Variants in PTPRD observed in about 807,000 individuals in gnomAD.
PTPRD encodes the protein receptor-type tyrosine-protein phosphatase delta.
In PTPRD, 34 loss-of-function variants were observed where a neutral mutation model predicts 214.5. The observed-to-expected ratio is 0.16, with a 90% CI of 0.12 to 0.21. The LOEUF (loss-of-function observed/expected upper bound fraction) is 0.21. Ranked by LOEUF, PTPRD falls within the 10% of genes least tolerant of loss-of-function variation. The pLI is 1.00. For missense variants in PTPRD, 2,545 were observed against 2,398.7 expected, an observed-to-expected ratio of 1.06 and a Z score of -1.27; for synonymous variants, 1,128 against 845.7, an observed-to-expected ratio of 1.33 and a Z score of -5.79.
intron 41 of PTPRD, 36 bp downstream of exon 41, chr9:8,341,054 A>G (rs370544016): frequency 1.1e-4 from 165 of 1,529,894 alleles, no homozygotes; most frequent in Non-Finnish European, 1.4e-4. Context: ...TGTAAATATC[A>G]AGGCTTTGGA....
At chr9:10,380,138 A>T (rs937037301) in intron 2 of PTPRD, among the ~76,000 whole-genome samples, 14 of 152,056 alleles carry the variant, frequency 9.2e-5, no homozygotes, top group Admixed American at 6.6e-5. Flanking sequence ...CTTTCTTTTG[A>T]TAAAGCTATT....
At chr9:10,608,299 A>G (rs1463909149) in intron 2 of PTPRD, among the ~76,000 whole-genome samples, 1 of 152,072 alleles carries the variant, frequency 6.6e-6, no homozygotes, top group Non-Finnish European at 1.5e-5. Flanking sequence ...AAATCCAAAA[A>G]TAATTATACA....
intron 9 of PTPRD, among the ~76,000 whole-genome samples, chr9:9,187,784 T>C (rs1186363982): frequency 6.6e-6 from 1 of 151,978 alleles, no homozygotes. Flanking sequence ...AAGAGGATTT[T>C]TTTTTTGTGG....
At chr9:9,684,693 T>TTG (rs138242584) in intron 7 of PTPRD, among the ~76,000 whole-genome samples, 64 of 149,114 alleles carry the variant, frequency 4.3e-4, no homozygotes, top group East Asian at 3.5e-3. Flanking sequence ...AATACAGCAT[T>TTG]TGTGTGTGTG....
At chr9:9,285,377 A>G (rs1301174368) in intron 9 of PTPRD, among the ~76,000 whole-genome samples, 1 of 151,812 alleles carries the variant, frequency 6.6e-6, no homozygotes, top group East Asian at 2.0e-4. Context: ...CAGTCTATAA[A>G]GAATGATAAA....
At chr9:9,685,130 T>C (rs1447479815) in intron 7 of PTPRD, among the ~76,000 whole-genome samples, 1 of 151,432 alleles carries the variant, frequency 6.6e-6, no homozygotes, top group Non-Finnish European at 1.5e-5. Flanking sequence ...TCCACATTTT[T>C]ATTTTTAAGA....
chr9:9,593,072 AAAAG>A (rs1021429030), intron 7 of PTPRD, among the ~76,000 whole-genome samples: 5 of 151,480 alleles, frequency 3.3e-5, no homozygotes, highest in African/African-American at 1.2e-4. Flanking sequence ...GAGAAAGAAA[AAAAG>A]AAAGAGAGAG....
intron 5 of PTPRD, among the ~76,000 whole-genome samples, chr9:9,865,894 C>G (rs761046026): frequency 1.9e-4 from 29 of 152,054 alleles, no homozygotes; most frequent in Admixed American, 9.2e-4. Context: ...CTGTAAGAAT[C>G]TGTAATGGCT....
At chr9:8,458,362 T>C (rs565548360) in intron 33 of PTPRD, among the ~76,000 whole-genome samples, 1 of 152,240 alleles carries the variant, frequency 6.6e-6, no homozygotes, top group East Asian at 1.9e-4. Flanking sequence ...TATACATCTG[T>C]TGCTTGGTAT....
At chr9:10,577,690 CTA>C (rs2069938838) in intron 2 of PTPRD, among the ~76,000 whole-genome samples, 4 of 152,114 alleles carry the variant, frequency 2.6e-5, no homozygotes, top group Admixed American at 2.6e-4. Context: ...ATTTACCAGA[CTA>C]AATGGTTAAG....
chr9:9,969,915 A>G (rs2094970150), intron 4 of PTPRD, among the ~76,000 whole-genome samples: 1 of 152,102 alleles, frequency 6.6e-6, no homozygotes, highest in African/African-American at 2.4e-5. Context: ...GGCATTTCTA[A>G]GCCTCCCCAG....
chr9:8,838,077 C>G (rs998328356), intron 11 of PTPRD, among the ~76,000 whole-genome samples: 1 of 152,034 alleles, frequency 6.6e-6, no homozygotes. Flanking sequence ...AGAAAAATCT[C>G]TAAGAAAATC....
chr9:10,210,817 ATATATGTATG>A (rs199845352), intron 3 of PTPRD, among the ~76,000 whole-genome samples: 8,090 of 84,768 alleles, frequency 0.095, 659 homozygotes, highest in East Asian at 0.38. Context: ...ATATATATAT[ATATATGTATG>A]TATGTATGTA....
intron 10 of PTPRD, among the ~76,000 whole-genome samples, chr9:9,087,824 C>T (rs1026399338): frequency 6.7e-6 from 1 of 149,564 alleles, no homozygotes; most frequent in African/African-American, 2.5e-5. Flanking sequence ...TCAACACAAT[C>T]GCTTGATGTC....
intron 2 of PTPRD, among the ~76,000 whole-genome samples, chr9:10,517,827 G>A (rs1305202716): frequency 1.3e-5 from 2 of 151,942 alleles, no homozygotes; most frequent in Non-Finnish European, 2.9e-5. Flanking sequence ...TTCATTTATA[G>A]GTGTTTACCT....
intron 12 of PTPRD, among the ~76,000 whole-genome samples, chr9:8,707,914 T>C (rs1031718182): frequency 2.0e-5 from 3 of 152,176 alleles, no homozygotes; most frequent in East Asian, 1.9e-4. Context: ...AAAATGATCA[T>C]AGTGCAAGTT....
chr9:8,890,403 C>A (rs2098528868), intron 11 of PTPRD, among the ~76,000 whole-genome samples: 1 of 152,214 alleles, frequency 6.6e-6, no homozygotes, highest in Non-Finnish European at 1.5e-5. Flanking sequence ...CTATTGGCCT[C>A]AGGCAAGAAT....
chr9:10,079,653 C>T (rs1377790083), intron 3 of PTPRD, among the ~76,000 whole-genome samples: 1 of 152,154 alleles, frequency 6.6e-6, no homozygotes, highest in Non-Finnish European at 1.5e-5. Flanking sequence ...ATTTCTCTCA[C>T]TTCAGTTGTT....
At chr9:8,886,678 C>T (rs933758769) in intron 11 of PTPRD, among the ~76,000 whole-genome samples, 3 of 152,140 alleles carry the variant, frequency 2.0e-5, no homozygotes, top group Admixed American at 6.5e-5. Flanking sequence ...TTTCTGCAGT[C>T]AGCACCCCCT....
Sources: allele counts gnomAD v4.1 joint callset (sites outside exome capture counted in the v4.1 genomes callset), GRCh38; gene constraint gnomAD v4.1.1; transcripts MANE v1.5; gene names NCBI Gene and HGNC (gene_info 2026-07-23, HGNC 2026-07-21).